PRKD1: variants seen among roughly 807,000 people sequenced by gnomAD.
PRKD1 encodes the protein protein kinase D1.
Under a neutral mutation model 95.9 loss-of-function variants are expected in PRKD1, and 63 were observed. The observed-to-expected ratio is 0.66, with a 90% CI of 0.54 to 0.81. The LOEUF is 0.81. Ranked by LOEUF, PRKD1 falls within the 30% of genes least tolerant of loss-of-function variation. PRKD1 has a pLI of 0.00. For synonymous variants in PRKD1, 425 were observed against 423.1 expected (o/e 1.00, Z -0.05); for missense variants, 1,048 against 1,165.3 (o/e 0.90, Z 1.47).
chr14:29,761,033 C>G (rs1887954560), intron 1 of PRKD1, among the ~76,000 whole-genome samples: 2 of 152,060 alleles, frequency 1.3e-5, no homozygotes, highest in African/African-American at 4.8e-5. Flanking sequence ...GCCTCAAACT[C>G]CTGCTGAAGC....
At chr14:29,615,595 C>T (rs1162057197) in intron 13 of PRKD1, among the ~76,000 whole-genome samples, 3 of 152,218 alleles carry the variant, frequency 2.0e-5, no homozygotes, top group Non-Finnish European at 2.9e-5. Flanking sequence ...CTGATTCCAA[C>T]GCTCTGGAAT....
intron 1 of PRKD1, among the ~76,000 whole-genome samples, chr14:29,821,203 A>T (rs1269413782): frequency 6.6e-6 from 1 of 152,220 alleles, no homozygotes; most frequent in Non-Finnish European, 1.5e-5. Context: ...AATTAAATAC[A>T]TGACTGTGTT....
intron 13 of PRKD1, among the ~76,000 whole-genome samples, chr14:29,606,049 C>T (rs996434988): frequency 6.6e-6 from 1 of 151,980 alleles, no homozygotes; most frequent in African/African-American, 2.4e-5. Context: ...TTCTCACTCT[C>T]TTGCCCAGGC....
Position 29,723,852 on chromosome 14 carries a change from G to A in PRKD1, c.403+1684C>T, listed in dbSNP as rs1386030269. On this transcript the variant is annotated intron_variant, in intron 2 of 17. Transcript: ENST00000331968. ...GGGAGCCCTTCTGGAGTCTGGTGCT[G>A]GGAAAGCAGGTAAGGAAATGGGCTG... Among the ~76,000 whole-genome samples the A allele has an allele frequency of 3.3e-5, 5 of 152,222 alleles. No individual in the cohort carries two copies. In the East Asian group the frequency reaches 9.7e-4, roughly 29 times the overall value.
intron 16 of PRKD1, among the ~76,000 whole-genome samples, chr14:29,579,653 G>T (rs1892688482): frequency 6.6e-6 from 1 of 152,134 alleles, no homozygotes; most frequent in Non-Finnish European, 1.5e-5. Context: ...GCAAAGAAAA[G>T]TGACTTCTAC....
At chr14:29,842,260 A>G (rs988715300) in intron 1 of PRKD1, among the ~76,000 whole-genome samples, 40 of 152,266 alleles carry the variant, frequency 2.6e-4, no homozygotes, top group African/African-American at 8.0e-4. Flanking sequence ...CAAATACATA[A>G]ATCAGCAATA....
intron 16 of PRKD1, among the ~76,000 whole-genome samples, chr14:29,589,586 T>C (rs1893054390): frequency 1.3e-5 from 2 of 152,120 alleles, no homozygotes; most frequent in South Asian, 4.1e-4. Flanking sequence ...AAAAGAACTG[T>C]AATCCACAGC....
At chr14:29,731,520 G>A (rs1306988592) in intron 1 of PRKD1, among the ~76,000 whole-genome samples, 1 of 152,106 alleles carries the variant, frequency 6.6e-6, no homozygotes, top group Non-Finnish European at 1.5e-5. Context: ...ATAAATTAAT[G>A]AGAAAGAAAT....
intron 13 of PRKD1, among the ~76,000 whole-genome samples, chr14:29,623,105 A>G (rs1879384534): frequency 6.6e-6 from 1 of 152,224 alleles, no homozygotes; most frequent in South Asian, 2.1e-4. Context: ...ATTAATTAGT[A>G]TCTTCACATC....
intron 1 of PRKD1, among the ~76,000 whole-genome samples, chr14:29,791,953 A>G (rs1889564961): frequency 6.6e-6 from 1 of 152,114 alleles, no homozygotes; most frequent in African/African-American, 2.4e-5. Flanking sequence ...GTATGTTCTC[A>G]CCAGCAGTGT....
chr14:29,735,727 C>A (rs1886681827), intron 1 of PRKD1, among the ~76,000 whole-genome samples: 1 of 152,014 alleles, frequency 6.6e-6, no homozygotes, highest in African/African-American at 2.4e-5. Flanking sequence ...TTCAAGAACC[C>A]CTCTATATTT....
chr14:29,679,743 T>C (rs1566534694), intron 2 of PRKD1, among the ~76,000 whole-genome samples: 1 of 127,860 alleles, frequency 7.8e-6, no homozygotes, highest in African/African-American at 3.3e-5. Context: ...TTTTTTTTTT[T>C]CTGATCTGGA....
At chr14:29,785,357 C>T (rs1477241510) in intron 1 of PRKD1, among the ~76,000 whole-genome samples, 1 of 151,866 alleles carries the variant, frequency 6.6e-6, no homozygotes, top group East Asian at 1.9e-4. Flanking sequence ...TCCTGATTTC[C>T]TTTTTTGGCT....
chr14:29,777,490 A>T (rs778997772), intron 1 of PRKD1, among the ~76,000 whole-genome samples: 15 of 152,352 alleles, frequency 9.8e-5, no homozygotes, highest in South Asian at 8.3e-4. Flanking sequence ...CAGGGGTTGC[A>T]ATCCTAGCCT....
chr14:29,651,766 C>T (rs1360879178), intron 4 of PRKD1, among the ~76,000 whole-genome samples: 2 of 150,962 alleles, frequency 1.3e-5, no homozygotes, highest in African/African-American at 2.4e-5. Flanking sequence ...TTTTTGAGAC[C>T]GAGTTTTGTT....
intron 1 of PRKD1, among the ~76,000 whole-genome samples, chr14:29,888,248 TG>T (rs556611580): frequency 5.2e-4 from 79 of 150,924 alleles, no homozygotes; most frequent in Non-Finnish European, 8.7e-4. Flanking sequence ...CCTATGATTT[TG>T]CCACTGCACT....
Position 29,874,809 on chromosome 14 carries a change from T to C in PRKD1, c.264+52440A>G, listed in dbSNP as rs770490069. Among the ~76,000 whole-genome samples, 10 of 152,106 alleles carry C rather than the reference T, an allele frequency of 6.6e-5. 1 individual carries two copies. The highest frequency in any genetic ancestry group is 4.1e-4 in the South Asian group (2 of 4,830). On this transcript the variant is annotated intron_variant, in intron 1 of 17. Coordinates refer to ENST00000331968, the MANE Select transcript of PRKD1 (RefSeq NM_002742.3). ...AAATTGATCACAGGGAGATAGAAAATAGAATGACAGATAGATCAGATGCTG... is the reference window on the plus strand; with the variant it reads ...AAATTGATCACAGGGAGATAGAAAACAGAATGACAGATAGATCAGATGCTG...
intron 1 of PRKD1, among the ~76,000 whole-genome samples, chr14:29,924,502 A>G (rs1175708335): frequency 6.6e-6 from 1 of 152,172 alleles, no homozygotes; most frequent in Non-Finnish European, 1.5e-5. Flanking sequence ...GTCAGCTAAT[A>G]TTTCCAATGC....
In PRKD1 at chr14:29,860,637, T is replaced by C. The variant is rs767724623; in HGVS notation, c.264+66612A>G. Among the ~76,000 whole-genome samples, 38 of 152,330 alleles carry C rather than the reference T, an allele frequency of 2.5e-4. 1 individual carries two copies. The highest frequency in any genetic ancestry group is 1.9e-4 in the East Asian group (1 of 5,184). On this transcript the variant is annotated intron_variant, in intron 1 of 17. Transcript: ENST00000331968. ...TTAGAAATTAAATTTAAATTACTGATATAATTTTAAGATTCCATGTATTGC... is the reference window on the plus strand; with the variant it reads ...TTAGAAATTAAATTTAAATTACTGACATAATTTTAAGATTCCATGTATTGC...
Sources: gnomAD v4.1 joint callset for allele counts (sites outside exome capture counted in the v4.1 genomes callset) on GRCh38, gnomAD v4.1.1 for gene constraint, MANE v1.5 for transcripts, NCBI Gene and HGNC (gene_info 2026-07-23, HGNC 2026-07-21) for gene names.